GAS7: variants seen among roughly 807,000 people sequenced by gnomAD.
The protein encoded by GAS7 is growth arrest specific 7.
Under a neutral mutation model 71.1 loss-of-function variants are expected in GAS7, and 28 were observed. The observed-to-expected ratio is 0.39, with a 90% CI of 0.29 to 0.54. GAS7 has a LOEUF of 0.54. GAS7 is among the 20% of genes least tolerant of loss of function. The pLI is 0.62. For synonymous variants in GAS7, 258 were observed against 245.8 expected (o/e 1.05, Z -0.46); for missense variants, 436 against 627.8 (o/e 0.69, Z 3.27).
rs201343182 is a variant in GAS7 at position 10,038,055 on chromosome 17, TAAA to T, written c.184-18161_184-18159del. Among the ~76,000 whole-genome samples, 513 of 144,850 alleles carry T rather than the reference TAAA, an allele frequency of 3.5e-3. 4 individuals are homozygous for T. Among genetic ancestry groups the T allele is most frequent in the African/African-American group, 0.012 (491 of 39,710 alleles). On this transcript the variant is annotated intron_variant, in intron 1 of 13. Transcript: ENST00000432992. ...GCTCACACCCATTAGGACAGGTTCTTAAAAAAAAAAAACCAGACAAGGCCAGGC... is the reference window on the plus strand; with the variant it reads ...GCTCACACCCATTAGGACAGGTTCTTAAAAAAAAACCAGACAAGGCCAGGC...
At chr17:9,951,424 G>A (rs1170212141) in intron 5 of GAS7, among the ~76,000 whole-genome samples, 1 of 152,112 alleles carries the variant, frequency 6.6e-6, no homozygotes, top group African/African-American at 2.4e-5. Flanking sequence ...ACTGCTCTTG[G>A]CCTTGCCCTC....
chr17:10,172,805 C>A (rs2074345039), intron 1 of GAS7, among the ~76,000 whole-genome samples: 1 of 152,208 alleles, frequency 6.6e-6, no homozygotes, highest in African/African-American at 2.4e-5. Flanking sequence ...AGTGCCTTTT[C>A]CATTGCCAGT....
chr17:10,095,454 G>A (rs890767599), intron 1 of GAS7, among the ~76,000 whole-genome samples: 5 of 152,202 alleles, frequency 3.3e-5, no homozygotes, highest in East Asian at 3.9e-4. Context: ...GAGTCACCAC[G>A]GCTGGCCTGT....
chr17:10,071,775 T>G (rs1448721010), intron 1 of GAS7, among the ~76,000 whole-genome samples: 1 of 150,186 alleles, frequency 6.7e-6, no homozygotes, highest in Non-Finnish European at 1.5e-5. Context: ...ATAATAATAA[T>G]AATAAACAAA....
intron 1 of GAS7, among the ~76,000 whole-genome samples, chr17:10,027,872 A>G (rs916037233): frequency 2.6e-5 from 4 of 152,132 alleles, no homozygotes; most frequent in South Asian, 2.1e-4. Flanking sequence ...CTCTCCAAAA[A>G]TAAAGGTTTT....
chr17:10,092,415 T>C (rs905383720), intron 1 of GAS7, among the ~76,000 whole-genome samples: 11 of 152,166 alleles, frequency 7.2e-5, no homozygotes, highest in African/African-American at 2.7e-4. Context: ...GTGTTAGAAA[T>C]GGCCAGCACC....
intron 1 of GAS7, among the ~76,000 whole-genome samples, chr17:10,032,489 C>G (rs1045898554): frequency 5.3e-5 from 8 of 152,210 alleles, no homozygotes; most frequent in African/African-American, 1.9e-4. Context: ...TCCCAGACAG[C>G]AAGCTGTGAT....
rs1360811817 is a variant in GAS7 at position 10,103,062 on chromosome 17, C to A, written c.184-83165G>T. 6.6e-6 allele frequency among the ~76,000 whole-genome samples: 1 copy of A among 152,140 alleles called. No individual in the cohort carries two copies. Among genetic ancestry groups the A allele is most frequent in the Non-Finnish European group, 1.5e-5 (1 of 68,028 alleles). On this transcript the variant is annotated intron_variant, in intron 1 of 13. Transcript: ENST00000432992. The surrounding 1 kb of genome is among the most constrained non-coding windows in gnomAD (Gnocchi z 5.5). Reference sequence around the variant, plus strand: ...TAGAAATGCAGAATCTGCATTTTAACAAACCCTGACCGGACGTAGTGGCTC... The same window carrying A: ...TAGAAATGCAGAATCTGCATTTTAAAAAACCCTGACCGGACGTAGTGGCTC...
At chr17:10,135,024 G>A (rs1319255541) in intron 1 of GAS7, among the ~76,000 whole-genome samples, 1 of 151,970 alleles carries the variant, frequency 6.6e-6, no homozygotes, top group Non-Finnish European at 1.5e-5. Flanking sequence ...GTAGAGACGG[G>A]GTTTCACCAT....
chr17:9,963,886 T>C (rs1378240152), intron 4 of GAS7, among the ~76,000 whole-genome samples: 1 of 151,876 alleles, frequency 6.6e-6, no homozygotes, highest in East Asian at 1.9e-4. Flanking sequence ...CTGAAATATT[T>C]GCATTTAAAA....
At chr17:9,927,173 G>A (rs2068033226) in intron 9 of GAS7, among the ~76,000 whole-genome samples, 1 of 129,638 alleles carries the variant, frequency 7.7e-6, no homozygotes, top group East Asian at 2.0e-4. Context: ...AATGGGCTGG[G>A]CACGGTGGCT....
At chr17:10,096,454 C>T (rs1403127045) in intron 1 of GAS7, among the ~76,000 whole-genome samples, 1 of 152,192 alleles carries the variant, frequency 6.6e-6, no homozygotes, top group Non-Finnish European at 1.5e-5. Flanking sequence ...ACAAGTCCTT[C>T]AGGGAGCTTC....
chr17:10,059,903 G>A (rs1445415065), intron 1 of GAS7: 1 of 685,330 alleles, frequency 1.5e-6, no homozygotes, highest in East Asian at 1.3e-4. Context: ...TGAAAGAGAA[G>A]TATTCTGCAA....
chr17:10,167,042 G>GTTTTTTT, intron 1 of GAS7, among the ~76,000 whole-genome samples: 1 of 46,610 alleles, frequency 2.1e-5, no homozygotes, highest in East Asian at 1.1e-3. Context: ...ATTTCCATTT[G>GTTTTTTT]TCTTTTTTTT....
intron 1 of GAS7, among the ~76,000 whole-genome samples, chr17:10,120,691 G>C (rs2073897418): frequency 6.6e-6 from 1 of 152,014 alleles, no homozygotes; most frequent in African/African-American, 2.4e-5. Flanking sequence ...CAGCCTGGGG[G>C]ACAAGAGTGA....
intron 1 of GAS7, among the ~76,000 whole-genome samples, chr17:10,193,339 G>A (rs889090958): frequency 6.6e-6 from 1 of 151,016 alleles, no homozygotes; most frequent in Non-Finnish European, 1.5e-5. Context: ...CTCCCTCTTG[G>A]GGTTCTCTCT....
rs112180894 is a variant in GAS7, at chr17:9,911,984, C to T, written c.*5244G>A. On this transcript the variant is annotated 3_prime_UTR_variant, in exon 14 of 14. Coordinates refer to ENST00000432992, the MANE Select transcript of GAS7 (RefSeq NM_201433.2). This position sits in a 1 kb window ranked among gnomAD's most constrained non-coding sequence, Gnocchi z 4.0. Reference sequence around the variant, plus strand: ...CATCCAGTGGGGTGCAGGTACAGGCCAGGCTGTGTGATCACCAGCTAGGCA... The same window carrying T: ...CATCCAGTGGGGTGCAGGTACAGGCTAGGCTGTGTGATCACCAGCTAGGCA... 584 of 232,164 alleles carry T rather than the reference C, an allele frequency of 2.5e-3. No homozygotes were observed. Among genetic ancestry groups the T allele is most frequent in the Non-Finnish European group, 3.4e-3 (397 of 117,386 alleles). 14.4% of individuals were successfully genotyped at this position (232,164 alleles called of 1,614,324 possible).
chr17:10,014,668 C>T (rs1308732411), intron 2 of GAS7, among the ~76,000 whole-genome samples: 6 of 152,138 alleles, frequency 3.9e-5, no homozygotes, highest in Non-Finnish European at 2.9e-5. Context: ...TGACTACTCC[C>T]TTCCTCGAGC....
chr17:9,990,985 AC>A (rs1201749337), intron 2 of GAS7, among the ~76,000 whole-genome samples: 1 of 152,226 alleles, frequency 6.6e-6, no homozygotes, highest in East Asian at 1.9e-4. Flanking sequence ...GTTGTAAAGT[AC>A]GGGATAGCAG....
Sources: allele counts gnomAD v4.1 joint callset (sites outside exome capture counted in the v4.1 genomes callset), GRCh38; gene constraint gnomAD v4.1.1; non-coding constraint Gnocchi (gnomAD v3.1); transcripts MANE v1.5; gene names NCBI Gene and HGNC (gene_info 2026-07-23, HGNC 2026-07-21).